The following LHFPL3 variants were observed in gnomAD, a reference collection of about 807,000 sequenced individuals.
LHFPL3 encodes LHFPL tetraspan subfamily member 3, also known as LHFPL tetraspan subfamily member 3 protein.
LHFPL3 carries 5 observed loss-of-function variants against 19.3 expected under a neutral mutation model. The observed-to-expected ratio is 0.26, with a 90% confidence interval of 0.14 to 0.54. The LOEUF is 0.54. LHFPL3 is among the 20% of genes least tolerant of loss of function. The probability of loss-of-function intolerance (pLI) is 0.94; values close to 1 mark genes in which losing one functional copy is unlikely to be tolerated. For missense variants in LHFPL3, 249 were observed against 307.4 expected (o/e 0.81, Z 1.42); for synonymous variants, 133 against 126.2 (o/e 1.05, Z -0.36).
chr7:104,738,373 A>T (rs1405946260), intron 2 of LHFPL3, among the ~76,000 whole-genome samples: 2 of 152,170 alleles, frequency 1.3e-5, no homozygotes, highest in Non-Finnish European at 2.9e-5. Context: ...CTTTACTTCA[A>T]ATGTAATGGT....
At chr7:104,850,360 C>G (rs1389376139) in intron 2 of LHFPL3, among the ~76,000 whole-genome samples, 1 of 152,098 alleles carries the variant, frequency 6.6e-6, no homozygotes, top group Non-Finnish European at 1.5e-5. Context: ...CTAAGGCTAG[C>G]CTTGGGGGAG....
At chr7:104,359,103 G>T (rs867934834) in intron 1 of LHFPL3, among the ~76,000 whole-genome samples, 16 of 152,262 alleles carry the variant, frequency 1.1e-4, no homozygotes, top group African/African-American at 3.6e-4. Flanking sequence ...ACACAAAGAG[G>T]GCCAGCCTGA....
chr7:104,688,643 A>C (rs890386491), intron 1 of LHFPL3, among the ~76,000 whole-genome samples: 20 of 151,998 alleles, frequency 1.3e-4, no homozygotes, highest in Admixed American at 5.9e-4. Context: ...GAGATTACCC[A>C]TGCACTGCCT....
At chr7:104,760,209 A>G (rs1794350128) in intron 2 of LHFPL3, among the ~76,000 whole-genome samples, 1 of 152,190 alleles carries the variant, frequency 6.6e-6, no homozygotes, top group Non-Finnish European at 1.5e-5. Flanking sequence ...ACTGAATTTG[A>G]TGCCATTAGT....
chr7:104,460,542 C>T (rs186616888), intron 1 of LHFPL3, among the ~76,000 whole-genome samples: 28 of 152,206 alleles, frequency 1.8e-4, no homozygotes, highest in African/African-American at 6.5e-4. Flanking sequence ...TATAGCCATT[C>T]TGACTGGTGT....
intron 2 of LHFPL3, among the ~76,000 whole-genome samples, chr7:104,858,437 C>T (rs1791550792): frequency 6.6e-6 from 1 of 152,168 alleles, no homozygotes; most frequent in East Asian, 1.9e-4. Flanking sequence ...AGAAAGACCC[C>T]AAACATGGTG....
intron 2 of LHFPL3, among the ~76,000 whole-genome samples, chr7:104,774,424 C>A (rs1794609063): frequency 6.6e-6 from 1 of 152,192 alleles, no homozygotes; most frequent in Non-Finnish European, 1.5e-5. Flanking sequence ...TTTTAGATAA[C>A]TCCTTCATTA....
chr7:104,390,723 G>A (rs546137736), intron 1 of LHFPL3, among the ~76,000 whole-genome samples: 2 of 152,230 alleles, frequency 1.3e-5, no homozygotes, highest in African/African-American at 4.8e-5. Flanking sequence ...TGGGTCAAAC[G>A]GTATTTCTAG....
chr7:104,738,135 A>G (rs531234184), intron 2 of LHFPL3, among the ~76,000 whole-genome samples: 1 of 152,328 alleles, frequency 6.6e-6, no homozygotes, highest in South Asian at 2.1e-4. Flanking sequence ...TCTATCAAAA[A>G]TATTCTAAAC....
At chr7:104,454,630 A>G (rs1030691916) in intron 1 of LHFPL3, among the ~76,000 whole-genome samples, 1 of 152,182 alleles carries the variant, frequency 6.6e-6, no homozygotes, top group East Asian at 1.9e-4. Flanking sequence ...CTTCACCTGT[A>G]AAATGGGGAT....
chr7:104,797,450 G>A (rs1790155200), intron 2 of LHFPL3, among the ~76,000 whole-genome samples: 2 of 152,288 alleles, frequency 1.3e-5, no homozygotes, highest in East Asian at 3.9e-4. Flanking sequence ...ACTAATTAAT[G>A]CAGAGCAGCT....
intron 2 of LHFPL3, among the ~76,000 whole-genome samples, chr7:104,872,848 A>T (rs552893126): frequency 6.6e-6 from 1 of 152,274 alleles, no homozygotes; most frequent in East Asian, 1.9e-4. Flanking sequence ...GTAGGAGTAC[A>T]CTCTAAAATA....
At chr7:104,495,007 C>T (rs1430072113) in intron 1 of LHFPL3, among the ~76,000 whole-genome samples, 1 of 152,190 alleles carries the variant, frequency 6.6e-6, no homozygotes, top group African/African-American at 2.4e-5. Context: ...AGATCAATCC[C>T]CTTCCTCTTT....
chr7:104,482,191 G>A (rs1344689747), intron 1 of LHFPL3, among the ~76,000 whole-genome samples: 4 of 152,170 alleles, frequency 2.6e-5, no homozygotes, highest in Non-Finnish European at 5.9e-5. Context: ...ACTGAGGTCG[G>A]ATTTCCATTA....
intron 1 of LHFPL3, among the ~76,000 whole-genome samples, chr7:104,694,305 T>A (rs1291896751): frequency 6.6e-6 from 1 of 152,060 alleles, no homozygotes; most frequent in Non-Finnish European, 1.5e-5. Context: ...AGGGGGACAA[T>A]TAGGAAAAAT....
chr7:104,824,440 G>GATAATATATAATTATATAATTTTATAT (rs1790765712), intron 2 of LHFPL3, among the ~76,000 whole-genome samples: 3 of 42,566 alleles, frequency 7.0e-5, no homozygotes, highest in Non-Finnish European at 1.1e-4. Flanking sequence ...TATAATTATA[G>GATAATATATAATTATATAATTTTATAT]ATAATATATA....
At chr7:104,830,082 T>C (rs1210055156) in intron 2 of LHFPL3, among the ~76,000 whole-genome samples, 7 of 152,006 alleles carry the variant, frequency 4.6e-5, no homozygotes, top group Non-Finnish European at 1.5e-5. Flanking sequence ...TGATGGCCAG[T>C]GATGATGAGC....
intron 1 of LHFPL3, among the ~76,000 whole-genome samples, chr7:104,642,307 C>T (rs557239562): frequency 7.9e-5 from 12 of 152,144 alleles, no homozygotes; most frequent in South Asian, 4.1e-4. Context: ...CAGGTACAGT[C>T]GTGAGCCACC....
chr7:104,592,592 C>A (rs1156577050), intron 1 of LHFPL3, among the ~76,000 whole-genome samples: 1 of 152,128 alleles, frequency 6.6e-6, no homozygotes, highest in Non-Finnish European at 1.5e-5. Flanking sequence ...TCTCAGATCT[C>A]AAACTCTGTG....
Sources: gnomAD v4.1 joint callset for allele counts (sites outside exome capture counted in the v4.1 genomes callset) on GRCh38, gnomAD v4.1.1 for gene constraint, MANE v1.5 for transcripts, NCBI Gene and HGNC (gene_info 2026-07-23, HGNC 2026-07-21) for gene names.